Variants in PTPRN2 observed in about 807,000 individuals in gnomAD.
PTPRN2 encodes protein tyrosine phosphatase receptor type N2, also known as receptor-type tyrosine-protein phosphatase N2.
PTPRN2 carries 74 observed loss-of-function variants against 118.8 expected under a neutral mutation model. The ratio of observed to expected loss-of-function variants is 0.62; its 90% CI spans 0.52 to 0.76. The LOEUF (loss-of-function observed/expected upper bound fraction) is 0.76. PTPRN2 is among the 30% of genes least tolerant of loss of function. PTPRN2 has a pLI of 0.00. For synonymous variants in PTPRN2, 641 were observed against 608.0 expected (o/e 1.05, Z -0.80); for missense variants, 1,481 against 1,394.4 (o/e 1.06, Z -0.99).
intron 13 of PTPRN2, 136 bp downstream of exon 13, chr7:157,682,589 C>T: frequency 1.1e-6 from 1 of 876,820 alleles, no homozygotes; most frequent in Non-Finnish European, 1.8e-6. Flanking sequence ...AAGTTCCAAA[C>T]TGTCCTCATA....
chr7:158,324,964 G>A (rs1416962834), intron 2 of PTPRN2, among the ~76,000 whole-genome samples: 1 of 152,088 alleles, frequency 6.6e-6, no homozygotes, highest in Admixed American at 6.5e-5. Context: ...ATGGCCCAGA[G>A]ACGCTAACTG....
At chr7:157,543,145 G>A (rs765779680) in intron 22 of PTPRN2, among the ~76,000 whole-genome samples, 1 of 152,176 alleles carries the variant, frequency 6.6e-6, no homozygotes, top group Non-Finnish European at 1.5e-5. Flanking sequence ...AGCAACAGAT[G>A]ACCAGATGAC....
intron 2 of PTPRN2, among the ~76,000 whole-genome samples, chr7:158,363,840 G>A (rs1005371124): frequency 5.9e-5 from 9 of 152,158 alleles, no homozygotes; most frequent in South Asian, 2.1e-4. Context: ...GGAGGTGGCC[G>A]ATGGAGAGAG....
At chr7:158,334,721 A>ACT (rs1450479089) in intron 2 of PTPRN2, among the ~76,000 whole-genome samples, 5 of 37,666 alleles carry the variant, frequency 1.3e-4, no homozygotes, top group Non-Finnish European at 3.1e-4. Flanking sequence ...TGCAGACGTC[A>ACT]CACCCACACT....
At chr7:157,910,338 C>T (rs1470849151) in intron 11 of PTPRN2, among the ~76,000 whole-genome samples, 8 of 150,064 alleles carry the variant, frequency 5.3e-5, no homozygotes, top group Admixed American at 4.6e-4. Flanking sequence ...GCACGTACGC[C>T]GTGGGAACGG....
chr7:157,752,077 C>G (rs952578843), intron 12 of PTPRN2, among the ~76,000 whole-genome samples: 1 of 152,142 alleles, frequency 6.6e-6, no homozygotes, highest in African/African-American at 2.4e-5. Context: ...CAAGCAGGAT[C>G]CACGAGCTCC....
chr7:158,108,257 C>G (rs981530677), intron 10 of PTPRN2, among the ~76,000 whole-genome samples: 5 of 152,188 alleles, frequency 3.3e-5, no homozygotes, highest in South Asian at 2.1e-4. Flanking sequence ...CACAAATAGC[C>G]CCCCCTCACC....
Position 157,903,381 on chromosome 7 carries a change from A to G in PTPRN2, c.1724-4644T>C, listed in dbSNP as rs1797581739. Among the ~76,000 whole-genome samples, 1 of 152,136 alleles carries G rather than the reference A, an allele frequency of 6.6e-6. No homozygotes were observed. On this transcript the variant is annotated intron_variant, in intron 11 of 22. Coordinates refer to ENST00000389418, the MANE Select transcript of PTPRN2 (RefSeq NM_002847.5). This position sits in a 1 kb window ranked among gnomAD's most constrained non-coding sequence, Gnocchi z 4.2. ...CGGTACCCCAAACCTCAGCATCACC[A>G]GTATGCCCAGGTCACAAGTGTACCC...
rs1480039167 is a variant in PTPRN2 at position 157,734,253 on chromosome 7, T to TTC, written c.1789-51317_1789-51316insGA. Among the ~76,000 whole-genome samples, 161 of 73,016 alleles carry TTC rather than the reference T, an allele frequency of 2.2e-3. 20 individuals are homozygous for TTC. Among genetic ancestry groups the TTC allele is most frequent in the African/African-American group, 4.4e-3 (91 of 20,820 alleles). 47.9% of individuals were successfully genotyped at this position (73,016 alleles called of 152,430 possible). A position where few individuals can be genotyped will look rare whatever the true frequency, so the allele number is the denominator to read the frequency against. On this transcript the variant is annotated intron_variant, in intron 12 of 22. Coordinates refer to ENST00000389418, the MANE Select transcript of PTPRN2 (RefSeq NM_002847.5). ...CCACCCCATGCTCCCAGCACACTCT[T>TTC]CCGTCCCATGTGCCCAGTGCAGTCT... is the stretch of plus-strand genomic sequence containing the variant.
At chr7:158,299,264 C>G (rs1244229523) in intron 3 of PTPRN2, among the ~76,000 whole-genome samples, 1 of 152,026 alleles carries the variant, frequency 6.6e-6, no homozygotes, top group Non-Finnish European at 1.5e-5. Context: ...GTCCTTCCCA[C>G]CTTTCTGCAG....
intron 12 of PTPRN2, among the ~76,000 whole-genome samples, chr7:157,697,032 G>A (rs1307533118): frequency 1.5e-4 from 8 of 51,992 alleles, no homozygotes; most frequent in Admixed American, 4.4e-4. Context: ...ACTGGTTCTT[G>A]GCAGAGCCCT....
chr7:158,060,277 C>T (rs1451570877), intron 11 of PTPRN2, among the ~76,000 whole-genome samples: 1 of 136,070 alleles, frequency 7.3e-6, no homozygotes, highest in Non-Finnish European at 1.5e-5. Context: ...TCCATCTGCA[C>T]ACAGTGACAC....
chr7:158,154,491 A>C (rs1821521113), intron 6 of PTPRN2, among the ~76,000 whole-genome samples: 1 of 152,232 alleles, frequency 6.6e-6, no homozygotes, highest in African/African-American at 2.4e-5. Context: ...GCTGCTACGC[A>C]TCCCTTTTCC....
At chr7:158,408,940 A>T (rs1053146015) in intron 2 of PTPRN2, among the ~76,000 whole-genome samples, 1 of 151,928 alleles carries the variant, frequency 6.6e-6, no homozygotes, top group Non-Finnish European at 1.5e-5. Context: ...CTTAAACGAT[A>T]CAAAGTTAAC....
At chr7:158,498,102 G>A (rs902711660) in intron 1 of PTPRN2, among the ~76,000 whole-genome samples, 2 of 152,244 alleles carry the variant, frequency 1.3e-5, no homozygotes, top group African/African-American at 4.8e-5. Flanking sequence ...TCCTCCTCAC[G>A]TCTTTGGCTT....
At chr7:158,105,519 C>A (rs1815614337) in intron 10 of PTPRN2, among the ~76,000 whole-genome samples, 1 of 151,828 alleles carries the variant, frequency 6.6e-6, no homozygotes, top group Non-Finnish European at 1.5e-5. Flanking sequence ...GATTCCATCC[C>A]AGCTCTACCC....
At chr7:158,441,551 CAGTGAT>C (rs1443814624) in intron 2 of PTPRN2, among the ~76,000 whole-genome samples, 6 of 117,428 alleles carry the variant, frequency 5.1e-5, no homozygotes, top group African/African-American at 1.4e-4. Flanking sequence ...ATGGTGATGG[CAGTGAT>C]AGTGATAGTG....
At chr7:158,582,046 A>T (rs993802825) in intron 1 of PTPRN2, among the ~76,000 whole-genome samples, 4 of 152,250 alleles carry the variant, frequency 2.6e-5, no homozygotes, top group African/African-American at 9.6e-5. Flanking sequence ...AGGAATTAAA[A>T]GAAAAAAATG....
intron 11 of PTPRN2, among the ~76,000 whole-genome samples, chr7:158,010,269 C>G (rs960208141): frequency 6.6e-6 from 1 of 152,192 alleles, no homozygotes; most frequent in African/African-American, 2.4e-5. Context: ...CCTCTGCTCA[C>G]CCATCCACCA....
Sources: allele counts gnomAD v4.1 joint callset (sites outside exome capture counted in the v4.1 genomes callset), GRCh38; gene constraint gnomAD v4.1.1; non-coding constraint Gnocchi (gnomAD v3.1); transcripts MANE v1.5; gene names NCBI Gene and HGNC (gene_info 2026-07-23, HGNC 2026-07-21).